The following DGKB variants were observed in gnomAD, a reference collection of about 807,000 sequenced individuals.
DGKB encodes diacylglycerol kinase beta, also known as 90 kDa diacylglycerol kinase.
DGKB carries 67 observed loss-of-function variants against 114.3 expected under a neutral mutation model. The observed-to-expected ratio is 0.59, with a 90% CI of 0.48 to 0.72. The LOEUF (loss-of-function observed/expected upper bound fraction) is 0.72. Ranked by LOEUF, DGKB falls within the 30% of genes least tolerant of loss-of-function variation. The pLI is 0.00. For missense variants in DGKB, 907 were observed against 975.2 expected, an observed-to-expected ratio of 0.93 and a Z score of 0.93; for synonymous variants, 398 against 323.1, an observed-to-expected ratio of 1.23 and a Z score of -2.49.
In DGKB at chr7:14,516,956, T is replaced by A. The variant is rs192245045; in HGVS notation, c.1771-38731A>T. 4.2e-3 allele frequency among the ~76,000 whole-genome samples: 645 copies of A among 151,826 alleles called. 5 individuals carry two copies. Among genetic ancestry groups the A allele is most frequent in the African/African-American group, 0.014 (588 of 41,356 alleles). On this transcript the variant is annotated intron_variant, in intron 20 of 25. Coordinates refer to ENST00000402815, the MANE Select transcript of DGKB (RefSeq NM_001350709.2). The stretch of plus-strand genomic sequence containing the variant: ...TCTTCATGGAATTAGAAAAAAAAAA[T>A]TTTAAATTCATACAGAACCAAAAAA...
At chr7:14,337,416 C>G (rs1301824252) in intron 23 of DGKB, among the ~76,000 whole-genome samples, 1 of 152,106 alleles carries the variant, frequency 6.6e-6, no homozygotes, top group African/African-American at 2.4e-5. Context: ...TTAAGGGCAT[C>G]AAAACCACCT....
intron 20 of DGKB, among the ~76,000 whole-genome samples, chr7:14,495,833 C>G (rs950458810): frequency 1.3e-5 from 2 of 151,690 alleles, no homozygotes; most frequent in Non-Finnish European, 3.0e-5. Flanking sequence ...TAGTATAACC[C>G]TTTTAGCAAT....
intron 2 of DGKB, among the ~76,000 whole-genome samples, chr7:14,764,103 G>A (rs1338587875): frequency 6.6e-6 from 1 of 151,794 alleles, no homozygotes; most frequent in Non-Finnish European, 1.5e-5. Flanking sequence ...CCTGTGCTCA[G>A]CAAAAAAGCA....
In DGKB at chr7:14,149,250, GA is replaced by G; in HGVS notation, c.2305-13del. 1 of 954,088 alleles carries G rather than the reference GA, an allele frequency of 1.0e-6. No homozygotes were observed. The highest frequency in any genetic ancestry group is 1.4e-6 in the Non-Finnish European group (1 of 689,744). 59.1% of individuals were successfully genotyped at this position (954,088 alleles called of 1,614,324 possible). ...TGTGTAATTTTTATCTAGAAAAAAAGAGAGAGAGAGAGAGAGAAAGAATAGA... is the reference window on the plus strand; with the variant it reads ...TGTGTAATTTTTATCTAGAAAAAAAGGAGAGAGAGAGAGAGAAAGAATAGA... On this transcript the variant is annotated splice_polypyrimidine_tract_variant and intron_variant, in intron 25 of 25. Coordinates refer to ENST00000402815, the MANE Select transcript of DGKB (RefSeq NM_001350709.2).
chr7:14,619,813 G>A (rs561861791), intron 15 of DGKB, among the ~76,000 whole-genome samples: 1 of 151,678 alleles, frequency 6.6e-6, no homozygotes, highest in South Asian at 2.1e-4. Context: ...TATGTTTATT[G>A]AGAGAATTAA....
At chr7:14,665,163 T>C (rs10230236) in intron 13 of DGKB, among the ~76,000 whole-genome samples, 3,298 of 152,060 alleles carry the variant, frequency 0.022, 118 homozygotes, top group African/African-American at 0.076. Context: ...AAAAAAAGGC[T>C]AGGTAATTAA....
intron 1 of DGKB, among the ~76,000 whole-genome samples, chr7:14,950,697 C>A (rs1043972488): frequency 2.6e-5 from 4 of 151,874 alleles, no homozygotes; most frequent in African/African-American, 9.7e-5. Flanking sequence ...AAATATTAAT[C>A]CTTTCCAAAA....
At chr7:14,388,124 G>T (rs34148828) in intron 21 of DGKB, among the ~76,000 whole-genome samples, 32,845 of 150,290 alleles carry the variant, frequency 0.22, 4,082 homozygotes, top group African/African-American at 0.33. Flanking sequence ...TGATCCACTC[G>T]CCTTGGCCTC....
intron 23 of DGKB, among the ~76,000 whole-genome samples, chr7:14,305,542 T>C (rs1804325028): frequency 6.6e-6 from 1 of 152,158 alleles, no homozygotes; most frequent in African/African-American, 2.4e-5. Flanking sequence ...TGGATATACA[T>C]TTGGGATTCC....
intron 17 of DGKB, among the ~76,000 whole-genome samples, chr7:14,585,697 C>T (rs1800646296): frequency 6.6e-6 from 1 of 152,168 alleles, no homozygotes; most frequent in Non-Finnish European, 1.5e-5. Flanking sequence ...TCTGTGGCAA[C>T]TCTGCTTCTA....
intron 23 of DGKB, among the ~76,000 whole-genome samples, chr7:14,296,760 G>T (rs1206848197): frequency 5.0e-5 from 5 of 100,836 alleles, no homozygotes; most frequent in African/African-American, 2.0e-4. Context: ...TCCAGGGACT[G>T]TTTTTTTTTT....
chr7:14,200,879 G>T (rs1785764490), intron 23 of DGKB, among the ~76,000 whole-genome samples: 1 of 151,966 alleles, frequency 6.6e-6, no homozygotes, highest in East Asian at 1.9e-4. Context: ...GAGAAATTAG[G>T]TAATGAAGAT....
chr7:14,405,256 A>T (rs1330863867), intron 21 of DGKB, among the ~76,000 whole-genome samples: 2 of 151,976 alleles, frequency 1.3e-5, no homozygotes, highest in Admixed American at 6.6e-5. Flanking sequence ...ATGATTTTTT[A>T]AAAAAATAAA....
intron 2 of DGKB, among the ~76,000 whole-genome samples, chr7:14,826,402 A>T (rs1456348833): frequency 2.6e-5 from 4 of 152,118 alleles, no homozygotes; most frequent in African/African-American, 9.6e-5. Flanking sequence ...ATTTTGTCTT[A>T]GTCATATCAA....
rs546125395 is a variant in DGKB at position 14,705,154 on chromosome 7, G to A, written c.467-3424C>T. Among the ~76,000 whole-genome samples, 32 of 151,938 alleles carry A rather than the reference G, an allele frequency of 2.1e-4. No homozygotes were observed. The East Asian group carries it at 5.6e-3, about 27-fold the overall frequency. ...CTGATGGAGCTGAAAACCAAGGCTC[G>A]AGAGCTACGTGAAGAATGCAGAAGC... On this transcript the variant is annotated intron_variant, in intron 6 of 25. Coordinates refer to ENST00000402815, the MANE Select transcript of DGKB (RefSeq NM_001350709.2).
chr7:14,697,261 T>C (rs973597857), intron 8 of DGKB, among the ~76,000 whole-genome samples: 2 of 152,196 alleles, frequency 1.3e-5, no homozygotes, highest in Non-Finnish European at 2.9e-5. Flanking sequence ...TGAAGAGCTT[T>C]GGGCAAGTAA....
intron 22 of DGKB, among the ~76,000 whole-genome samples, chr7:14,342,785 A>G (rs903251191): frequency 1.5e-4 from 23 of 152,020 alleles, no homozygotes; most frequent in African/African-American, 5.3e-4. Context: ...CTTAACTATT[A>G]TTCCATGATA....
intron 1 of DGKB, among the ~76,000 whole-genome samples, chr7:14,942,843 T>C (rs1785644556): frequency 6.6e-6 from 1 of 152,084 alleles, no homozygotes; most frequent in Non-Finnish European, 1.5e-5. Flanking sequence ...TGCATTTCAC[T>C]TGCAATCTTC....
At chr7:14,426,208 C>T (rs1464026781) in intron 21 of DGKB, among the ~76,000 whole-genome samples, 3 of 152,198 alleles carry the variant, frequency 2.0e-5, no homozygotes, top group South Asian at 4.1e-4. Context: ...GCCTGGAAGA[C>T]AGTGGCTCTG....
Sources: allele counts gnomAD v4.1 joint callset (sites outside exome capture counted in the v4.1 genomes callset), GRCh38; gene constraint gnomAD v4.1.1; transcripts MANE v1.5; gene names NCBI Gene and HGNC (gene_info 2026-07-23, HGNC 2026-07-21).